The following CHSY3 variants were observed in gnomAD, a reference collection of about 807,000 sequenced individuals.
CHSY3 encodes the protein N-acetylgalactosaminyl-proteoglycan 3-beta-glucuronosyltransferase 3.
CHSY3 carries 35 observed loss-of-function variants against 67.2 expected under a neutral mutation model. That is an observed-to-expected ratio of 0.52 (90% CI 0.40 to 0.69). The LOEUF is 0.69. Ranked by LOEUF, CHSY3 falls within the 30% of genes least tolerant of loss-of-function variation. CHSY3 has a pLI of 0.00. For missense variants in CHSY3, 1,069 were observed against 1,138.5 expected, an observed-to-expected ratio of 0.94 and a Z score of 0.88; for synonymous variants, 474 against 434.7, an observed-to-expected ratio of 1.09 and a Z score of -1.12.
chr5:130,130,331 C>T (rs993808353), intron 2 of CHSY3, among the ~76,000 whole-genome samples: 5 of 152,134 alleles, frequency 3.3e-5, no homozygotes, highest in African/African-American at 7.2e-5. Flanking sequence ...CCTAGAATTT[C>T]TTGCCATGTA....
At chr5:130,045,828 G>C (rs966888073) in intron 2 of CHSY3, among the ~76,000 whole-genome samples, 1 of 152,024 alleles carries the variant, frequency 6.6e-6, no homozygotes, top group Non-Finnish European at 1.5e-5. Flanking sequence ...GCTCAGAGTG[G>C]GTAAAAGCTC....
intron 2 of CHSY3, among the ~76,000 whole-genome samples, chr5:130,096,135 C>G (rs754879267): frequency 6.6e-6 from 1 of 151,716 alleles, no homozygotes; most frequent in Non-Finnish European, 1.5e-5. Flanking sequence ...GATCCTGGAA[C>G]AAAAAAACTG....
At chr5:130,000,206 G>A (rs996306505) in intron 2 of CHSY3, among the ~76,000 whole-genome samples, 2 of 152,164 alleles carry the variant, frequency 1.3e-5, no homozygotes, top group African/African-American at 4.8e-5. Flanking sequence ...GACATGCTAA[G>A]CATGCTTTTC....
At chr5:129,968,613 T>C (rs185872559) in intron 2 of CHSY3, among the ~76,000 whole-genome samples, 1 of 151,938 alleles carries the variant, frequency 6.6e-6, no homozygotes, top group East Asian at 1.9e-4. Context: ...TAGTTCCTTA[T>C]GAATTTTGCT....
chr5:130,074,022 G>A (rs13169438), intron 2 of CHSY3, among the ~76,000 whole-genome samples: 50,248 of 151,956 alleles, frequency 0.33, 8,423 homozygotes, highest in South Asian at 0.44. Context: ...ATCATATCAC[G>A]TTGGAAGATT....
chr5:130,033,059 C>G (rs533518110), intron 2 of CHSY3, among the ~76,000 whole-genome samples: 10 of 152,096 alleles, frequency 6.6e-5, no homozygotes, highest in Non-Finnish European at 1.3e-4. Context: ...CAGATGAAGC[C>G]GACAGCTGGA....
chr5:130,053,531 T>A (rs1765432936), intron 2 of CHSY3, among the ~76,000 whole-genome samples: 1 of 152,160 alleles, frequency 6.6e-6, no homozygotes, highest in Non-Finnish European at 1.5e-5. Context: ...TCCAGAACTA[T>A]CCTTCAGTTC....
At chr5:130,123,398 A>G (rs1450070277) in intron 2 of CHSY3, among the ~76,000 whole-genome samples, 1 of 152,172 alleles carries the variant, frequency 6.6e-6, no homozygotes, top group Admixed American at 6.5e-5. Flanking sequence ...TGGTTTCAGG[A>G]TGAAACTATT....
rs553961919 is a variant in CHSY3 at position 130,095,894 on chromosome 5, G to A, written c.1087-88335G>A. Among the ~76,000 whole-genome samples, 10 of 152,302 alleles carry A rather than the reference G, an allele frequency of 6.6e-5. No individual in the cohort carries two copies. The South Asian group carries it at 2.1e-3, about 32-fold the overall frequency. ...AGTCATAATGAACCCCCGATATGAC[G>A]CACTGCGGAGACTACATCACCTGCG... On this transcript the variant is annotated intron_variant, in intron 2 of 2. Transcript: ENST00000305031.
chr5:130,146,952 C>G (rs1378946482), intron 2 of CHSY3, among the ~76,000 whole-genome samples: 2 of 152,124 alleles, frequency 1.3e-5, no homozygotes, highest in Non-Finnish European at 2.9e-5. Context: ...TGCCACCATG[C>G]CCAGCTAATT....
At chr5:130,090,112 AATTC>A (rs1479406462) in intron 2 of CHSY3, among the ~76,000 whole-genome samples, 3 of 152,108 alleles carry the variant, frequency 2.0e-5, no homozygotes, top group African/African-American at 7.2e-5. Flanking sequence ...CCTCTTAAAA[AATTC>A]AAAGTTTCTG....
At chr5:130,180,351 T>G (rs2149737008) in intron 2 of CHSY3, among the ~76,000 whole-genome samples, 1 of 152,320 alleles carries the variant, frequency 6.6e-6, no homozygotes, top group South Asian at 2.1e-4. Flanking sequence ...CTAAATAGCC[T>G]CATCAGTGTA....
chr5:130,157,222 G>T (rs1769397060), intron 2 of CHSY3, among the ~76,000 whole-genome samples: 1 of 152,156 alleles, frequency 6.6e-6, no homozygotes, highest in East Asian at 1.9e-4. Flanking sequence ...TTAGTTAAGG[G>T]AATAATGATC....
At chr5:130,005,643 T>G (rs968755153) in intron 2 of CHSY3, among the ~76,000 whole-genome samples, 1 of 152,162 alleles carries the variant, frequency 6.6e-6, no homozygotes, top group Admixed American at 6.5e-5. Context: ...CTGTGGGTGA[T>G]TCCAGTAGGA....
intron 2 of CHSY3, among the ~76,000 whole-genome samples, chr5:130,098,876 A>G (rs1767136727): frequency 6.6e-6 from 1 of 152,236 alleles, no homozygotes; most frequent in Admixed American, 6.5e-5. Context: ...ATAGTTAATG[A>G]CAGTTGCCTT....
chr5:129,984,454 C>T (rs1174313003), intron 2 of CHSY3, among the ~76,000 whole-genome samples: 2 of 152,058 alleles, frequency 1.3e-5, no homozygotes, highest in African/African-American at 2.4e-5. Context: ...GTTGATTCCA[C>T]ATCTTTGCAA....
chr5:129,960,175 G>A (rs1336007638), intron 2 of CHSY3, among the ~76,000 whole-genome samples: 2 of 152,030 alleles, frequency 1.3e-5, no homozygotes, highest in African/African-American at 4.8e-5. Context: ...GGCTTTACAG[G>A]ATTCTTTCTC....
chr5:130,118,403 T>C (rs775928464), intron 2 of CHSY3, among the ~76,000 whole-genome samples: 2 of 152,094 alleles, frequency 1.3e-5, no homozygotes, highest in Non-Finnish European at 2.9e-5. Flanking sequence ...AAGCAACTGA[T>C]TGCACATCTA....
intron 2 of CHSY3, among the ~76,000 whole-genome samples, chr5:130,144,154 AT>A (rs2149721313): frequency 6.6e-6 from 1 of 151,746 alleles, no homozygotes; most frequent in East Asian, 1.9e-4. Flanking sequence ...ATTCACAAGT[AT>A]TTCCATGTTT....
Sources: gnomAD v4.1 joint callset for allele counts (sites outside exome capture counted in the v4.1 genomes callset) on GRCh38, gnomAD v4.1.1 for gene constraint, MANE v1.5 for transcripts, NCBI Gene and HGNC (gene_info 2026-07-23, HGNC 2026-07-21) for gene names.